Variants in BRWD3 observed in about 807,000 individuals in gnomAD.
The protein encoded by BRWD3 is bromodomain and WD repeat-containing protein 3.
BRWD3 carries 10 observed loss-of-function variants against 149.7 expected under a neutral mutation model. The observed-to-expected ratio is 0.07, with a 90% CI of 0.04 to 0.11. The LOEUF is 0.11. Ranked by LOEUF, BRWD3 falls within the 10% of genes least tolerant of loss-of-function variation. The pLI, the probability that BRWD3 is intolerant of heterozygous loss-of-function variation, is 1.00. For synonymous variants in BRWD3, 504 were observed against 456.7 expected (o/e 1.10, Z -1.32); for missense variants, 940 against 1,373.2 (o/e 0.68, Z 4.99).
At chrX:80,781,387 G>A (rs781283753) in intron 6 of BRWD3, among the ~76,000 whole-genome samples, 11 of 110,671 alleles carry the variant, frequency 9.9e-5, no homozygotes, top group Non-Finnish European at 1.5e-4. Context: ...GATTGGTCAC[G>A]TGTGAGCTAA....
At chrX:80,788,032 C>T (rs1459656709) in intron 6 of BRWD3, among the ~76,000 whole-genome samples, 2 of 108,912 alleles carry the variant, frequency 1.8e-5, no homozygotes, top group Admixed American at 2.0e-4. Context: ...TGCAGTGAGC[C>T]GAGACTGCGC....
At chrX:80,709,714 A>G in intron 20 of BRWD3, 137 bp from the exon 21 acceptor site, 1 of 524,629 alleles carries the variant, frequency 1.9e-6, no homozygotes, top group Non-Finnish European at 3.1e-6. Context: ...AAGTCAACAT[A>G]GAACTATATT....
intron 14 of BRWD3, among the ~76,000 whole-genome samples, chrX:80,726,223 T>C (rs1189254948): frequency 2.0e-5 from 2 of 97,648 alleles, no homozygotes; most frequent in African/African-American, 3.5e-5. Flanking sequence ...GTATAACATA[T>C]AACACGTTTA....
intron 22 of BRWD3, among the ~76,000 whole-genome samples, chrX:80,706,258 G>A (rs778957409): frequency 2.5e-4 from 28 of 110,488 alleles, no homozygotes; most frequent in Admixed American, 2.0e-3. Flanking sequence ...ACAGGCCTCT[G>A]CCACCACATC....
chrX:80,766,827 G>T, intron 6 of BRWD3, among the ~76,000 whole-genome samples: 2 of 112,581 alleles, frequency 1.8e-5, no homozygotes, highest in South Asian at 7.3e-4. Context: ...CGCCGGAAGT[G>T]CAAGGGGTCA....
chrX:80,741,685 T>C (rs976736598), intron 8 of BRWD3, among the ~76,000 whole-genome samples: 3 of 111,074 alleles, frequency 2.7e-5, no homozygotes, highest in Non-Finnish European at 3.8e-5. Context: ...TTCTCATGTG[T>C]CTCTTGGCTG....
chrX:80,769,783 C>CA lies in BRWD3; in HGVS notation c.430+22070dup, dbSNP rs1217433032. Among the ~76,000 whole-genome samples, 821 of 93,003 alleles carry CA rather than the reference C, an allele frequency of 8.8e-3. 11 individuals carry two copies. Among genetic ancestry groups the CA allele is most frequent in the African/African-American group, 0.026 (659 of 25,460 alleles). 80.8% of individuals were successfully genotyped at this position (93,003 alleles called of 115,157 possible). A position where few individuals can be genotyped will look rare whatever the true frequency, so the allele number is the denominator to read the frequency against. On this transcript the variant is annotated intron_variant, in intron 6 of 40. Coordinates refer to ENST00000373275, the MANE Select transcript of BRWD3 (RefSeq NM_153252.5). Reference sequence around the variant, plus strand: ...GGAGATAGAGAGAGAAAAAAACCTTCAAAAAAAAAAAATCAATGAATCCAG... The same window carrying CA: ...GGAGATAGAGAGAGAAAAAAACCTTCAAAAAAAAAAAAATCAATGAATCCAG...
At chrX:80,745,397 A>G (rs190187628) in intron 7 of BRWD3, among the ~76,000 whole-genome samples, 172 bp downstream of exon 7, 25 of 112,264 alleles carry the variant, frequency 2.2e-4, no homozygotes, top group Admixed American at 2.0e-3. Flanking sequence ...ATTTTTGTTC[A>G]TTCGTTTACT....
At chrX:80,741,274 G>A (rs1296547947) in intron 8 of BRWD3, among the ~76,000 whole-genome samples, 1 of 112,095 alleles carries the variant, frequency 8.9e-6, no homozygotes, top group Non-Finnish European at 1.9e-5. Flanking sequence ...ATTCCATGGT[G>A]TATATGTGCC....
At chrX:80,698,602 G>A (rs761070178) in intron 25 of BRWD3, among the ~76,000 whole-genome samples, 1 of 109,572 alleles carries the variant, frequency 9.1e-6, no homozygotes, top group South Asian at 4.0e-4. Flanking sequence ...CCAGTTACTC[G>A]AGAGGCTGAG....
chrX:80,794,495 A>C (rs905907660), intron 4 of BRWD3, among the ~76,000 whole-genome samples: 1 of 109,188 alleles, frequency 9.2e-6, no homozygotes, highest in African/African-American at 3.3e-5. Context: ...AATGAGAGAG[A>C]CCTCGACTCA....
Position 80,675,899 on chromosome X carries a change from G to A in BRWD3, c.*710C>T, listed in dbSNP as rs1354520599. The A allele has an allele frequency of 9.0e-6, 1 of 111,298 alleles. No homozygotes were observed. Among genetic ancestry groups the A allele is most frequent in the Non-Finnish European group, 1.9e-5 (1 of 53,128 alleles). 9.2% of individuals were successfully genotyped at this position (111,298 alleles called of 1,213,427 possible). On this transcript the variant is annotated 3_prime_UTR_variant, in exon 41 of 41. Coordinates refer to ENST00000373275, the MANE Select transcript of BRWD3 (RefSeq NM_153252.5). The stretch of plus-strand genomic sequence containing the variant: ...TAATGCACACATCAGAACACACCAC[G>A]AAGATCTGCTACATATTTACAAGGC...
At chrX:80,774,980 A>C (rs1215843060) in intron 6 of BRWD3, among the ~76,000 whole-genome samples, 5 of 112,142 alleles carry the variant, frequency 4.5e-5, no homozygotes, top group Non-Finnish European at 9.4e-5. Context: ...CTATTCAAAA[A>C]CATCCAATGA....
intron 8 of BRWD3, among the ~76,000 whole-genome samples, chrX:80,738,205 T>C (rs1313856071): frequency 8.9e-6 from 1 of 112,581 alleles, no homozygotes; most frequent in African/African-American, 3.2e-5. Flanking sequence ...TTAATGTGCC[T>C]TAATAGAATT....
At chrX:80,806,393 CATCT>C (rs1340563020) in intron 4 of BRWD3, among the ~76,000 whole-genome samples, 1 of 111,073 alleles carries the variant, frequency 9.0e-6, no homozygotes, top group Non-Finnish European at 1.9e-5. Flanking sequence ...GAGCTATTGC[CATCT>C]ATTAAATATT....
chrX:80,683,960 T>C lies in BRWD3; in HGVS notation c.4233+50A>G. 2.6e-6 allele frequency: 3 copies of C among 1,154,061 alleles called. No homozygotes were observed. The African/African-American group carries it at 5.3e-5, about 20-fold the overall frequency. On this transcript the variant is annotated intron_variant, in intron 37 of 40. Transcript: ENST00000373275. ...AAAGATACTGAGGACCAATTTTCAG[T>C]AACTGGTTAAAGAAAACTGCCTGAT... is the stretch of plus-strand genomic sequence containing the variant.
At chrX:80,726,171 TA>T (rs1321152719) in intron 14 of BRWD3, among the ~76,000 whole-genome samples, 2 of 107,214 alleles carry the variant, frequency 1.9e-5, no homozygotes, top group African/African-American at 6.8e-5. Context: ...TTACATGTTA[TA>T]TGTCTGTATA....
chrX:80,701,662 A>C (rs2072792889), intron 24 of BRWD3, among the ~76,000 whole-genome samples: 1 of 110,005 alleles, frequency 9.1e-6, no homozygotes. Context: ...CTACCAATCA[A>C]TACTAGGTCA....
At chrX:80,733,575 G>T in intron 11 of BRWD3, 79 bp from the exon 12 acceptor site, 1 of 772,698 alleles carries the variant, frequency 1.3e-6, no homozygotes, top group East Asian at 3.3e-5. Context: ...CAAATTCATA[G>T]GCAAAAACAT....
Sources: gnomAD v4.1 joint callset for allele counts (sites outside exome capture counted in the v4.1 genomes callset) on GRCh38, gnomAD v4.1.1 for gene constraint, MANE v1.5 for transcripts, NCBI Gene and HGNC (gene_info 2026-07-23, HGNC 2026-07-21) for gene names.